The following DLG5 variants were observed in gnomAD, a reference collection of about 807,000 sequenced individuals.
DLG5 encodes discs large MAGUK scaffold protein 5, also known as disks large homolog 5.
A neutral mutation model predicts 189.8 loss-of-function variants in DLG5; 48 were observed. The observed-to-expected ratio is 0.25, with a 90% confidence interval of 0.20 to 0.32. DLG5 has a LOEUF of 0.32. DLG5 is among the 10% of genes least tolerant of loss of function. The pLI is 1.00. For missense variants in DLG5, 2,160 were observed against 2,544.7 expected (o/e 0.85, Z 3.25); for synonymous variants, 1,016 against 1,054.1 (o/e 0.96, Z 0.70).
intron 5 of DLG5, among the ~76,000 whole-genome samples, chr10:77,852,859 G>GTGTA (rs910818844): frequency 9.8e-5 from 15 of 152,286 alleles, no homozygotes; most frequent in African/African-American, 3.6e-4. Flanking sequence ...ATATACATAT[G>GTGTA]TGTATGTATG....
At chr10:77,878,943 C>A (rs997959306) in intron 1 of DLG5, among the ~76,000 whole-genome samples, 22 of 152,170 alleles carry the variant, frequency 1.4e-4, no homozygotes, top group Admixed American at 1.1e-3. Context: ...AACACAAGGC[C>A]CACTCATTCG....
chr10:77,916,361 G>A (rs1301311915), intron 1 of DLG5, among the ~76,000 whole-genome samples: 1 of 152,028 alleles, frequency 6.6e-6, no homozygotes, highest in Non-Finnish European at 1.5e-5. Flanking sequence ...CACGATCTCA[G>A]CTAACTGCAG....
chr10:77,928,945 T>G (rs1846760957), upstream of DLG5: 1 of 152,134 alleles, frequency 6.6e-6, no homozygotes, highest in African/African-American at 2.4e-5. Flanking sequence ...TGAGAATTGC[T>G]TGAACCCAGG....
chr10:77,816,209 G>A (rs1416782083), intron 20 of DLG5: 3 of 573,852 alleles, frequency 5.2e-6, no homozygotes, highest in Non-Finnish European at 6.6e-6. Context: ...TAACGACACT[G>A]GCAGGGTCCC....
intron 2 of DLG5, chr10:77,868,578 T>C (rs1844779438): frequency 8.2e-6 from 2 of 245,362 alleles, no homozygotes; most frequent in African/African-American, 2.3e-5. Context: ...GCATCCATCA[T>C]GGTCAGATCA....
rs756009681 is a variant in DLG5, at chr10:77,820,015, G to C, written c.3406C>G (p.Gln1136Glu). Residue 1136 changes from glutamine to glutamate, a missense_variant, in exon 16 of 32, where the codon CAG becomes GAG. Gln to Glu is a conservative substitution (Grantham distance 29). This residue lies in a region of DLG5 where 754 missense variants were observed against 746.5 expected (regional missense o/e 1.01). Coordinates refer to ENST00000372391, the MANE Select transcript of DLG5 (RefSeq NM_004747.4). ...TCTCCACTGGCCGGGACACACTTCT[G>C]TTCCTGCAGATGCAAGGGCAAGAGT... The part of the protein sequence containing the change: ...VVIPAQFLEE[Q>E]KCVPASGELS... 6.0e-5 allele frequency: 97 copies of C among 1,613,240 alleles called. No individual in the cohort carries two copies. Among genetic ancestry groups the C allele is most frequent in the Admixed American group, 3.3e-5 (2 of 59,978 alleles).
chr10:77,805,831 G>C lies in DLG5; in HGVS notation c.4998C>G (p.Ser1666Arg). The C allele has an allele frequency of 6.2e-7, 1 of 1,613,966 alleles. No homozygotes were observed. The highest frequency in any genetic ancestry group is 8.5e-7 in the Non-Finnish European group (1 of 1,179,848). The change falls in exon 27 of 32, where the codon AGC (serine) becomes AGG (arginine). Residue 1666 changes from serine (S) to arginine (R), a missense_variant. By Grantham distance (110) the Ser-to-Arg change is moderately radical. This residue lies in a region of DLG5 where 574 missense variants were observed against 644.2 expected (regional missense o/e 0.89). Coordinates refer to ENST00000372391, the MANE Select transcript of DLG5 (RefSeq NM_004747.4). ...TATTGTCATCTTTGACTTCAGACATGCTGAGCCTCCTGGAGAATTCTTGGT... is the reference window on the plus strand; with the variant it reads ...TATTGTCATCTTTGACTTCAGACATCCTGAGCCTCCTGGAGAATTCTTGGT... ...VMDQEFSRRL[S>R]MSEVKDDNSA...
chr10:77,915,552 G>C (rs539357189), intron 1 of DLG5, among the ~76,000 whole-genome samples: 1 of 152,354 alleles, frequency 6.6e-6, no homozygotes, highest in African/African-American at 2.4e-5. Flanking sequence ...AGCCACTCTA[G>C]TGAAGCCCCA....
intron 2 of DLG5, among the ~76,000 whole-genome samples, chr10:77,864,399 T>C (rs1844591862): frequency 6.6e-6 from 1 of 151,970 alleles, no homozygotes; most frequent in Non-Finnish European, 1.5e-5. Context: ...CACGTCATCC[T>C]CACCTACAAC....
At chr10:77,870,904 G>A (rs532161768) in intron 1 of DLG5, among the ~76,000 whole-genome samples, 2 of 152,122 alleles carry the variant, frequency 1.3e-5, no homozygotes, top group South Asian at 2.1e-4. Context: ...CATGCAGGAG[G>A]GCAGAGAGAT....
chr10:77,884,838 G>A (rs1564574738), intron 1 of DLG5, among the ~76,000 whole-genome samples: 2 of 152,140 alleles, frequency 1.3e-5, no homozygotes, highest in Admixed American at 1.3e-4. Context: ...AAGTAACACC[G>A]TCCAGGAGGG....
At chr10:77,883,616 G>A (rs1845347747) in intron 1 of DLG5, among the ~76,000 whole-genome samples, 1 of 150,384 alleles carries the variant, frequency 6.6e-6, no homozygotes, top group Admixed American at 6.6e-5. Context: ...ATGTCATTGG[G>A]AAAGAAAAAG....
chr10:77,805,298 C>T (rs938794078), intron 27 of DLG5, among the ~76,000 whole-genome samples: 1 of 152,166 alleles, frequency 6.6e-6, no homozygotes, highest in Non-Finnish European at 1.5e-5. Context: ...CTCTCTTGCA[C>T]ATGCAAGTGG....
In DLG5 at chr10:77,856,716, G is replaced by A. The variant is rs771503483; in HGVS notation, c.536+14C>T. The A allele has an allele frequency of 4.3e-6, 7 of 1,609,546 alleles. No individual in the cohort carries two copies. Among genetic ancestry groups the A allele is most frequent in the Admixed American group, 1.7e-5 (1 of 59,884 alleles). On this transcript the variant is annotated intron_variant, in intron 3 of 31. Transcript: ENST00000372391. ...ACCATGGGGCCTGGGCAGGGGAGAC[G>A]GCGCAATTACTACCTCTTGTCAAAG...
At chr10:77,823,300 G>A (rs971261373) in intron 14 of DLG5, among the ~76,000 whole-genome samples, 2 of 152,064 alleles carry the variant, frequency 1.3e-5, no homozygotes, top group Non-Finnish European at 2.9e-5. Flanking sequence ...TTAATAGAAA[G>A]TTAGAAAAAA....
chr10:77,837,766 G>A (rs1843219833), intron 7 of DLG5, among the ~76,000 whole-genome samples: 1 of 152,204 alleles, frequency 6.6e-6, no homozygotes, highest in African/African-American at 2.4e-5. Context: ...GGCTGCCTCG[G>A]CATCAGATGT....
At chr10:77,838,375 G>A (rs1843251859) in intron 7 of DLG5, among the ~76,000 whole-genome samples, 1 of 152,254 alleles carries the variant, frequency 6.6e-6, no homozygotes, top group Middle Eastern at 3.4e-3. Flanking sequence ...TGGGAGCAAT[G>A]AGACTTCCCC....
chr10:77,811,777 A>C, intron 22 of DLG5, 147 bp downstream of exon 22: 1 of 1,241,594 alleles, frequency 8.1e-7, no homozygotes, highest in Non-Finnish European at 1.1e-6. Flanking sequence ...CTTTTCCAAA[A>C]TCCAGGGCTG....
At chr10:77,866,342 G>A (rs1564561997) in intron 2 of DLG5, among the ~76,000 whole-genome samples, 1 of 152,224 alleles carries the variant, frequency 6.6e-6, no homozygotes, top group Non-Finnish European at 1.5e-5. Context: ...TGCAGCAGGG[G>A]TGGGAGGAGG....
Sources: allele counts gnomAD v4.1 joint callset (sites outside exome capture counted in the v4.1 genomes callset), GRCh38; gene constraint gnomAD v4.1.1; regional missense constraint gnomAD v4.1.1; transcripts MANE v1.5; gene names NCBI Gene and HGNC (gene_info 2026-07-23, HGNC 2026-07-21).